Variants in PPP2R5A observed in about 807,000 individuals in gnomAD.
PPP2R5A encodes the protein protein phosphatase 2 regulatory subunit B'alpha.
In PPP2R5A, 25 loss-of-function variants were observed where a neutral mutation model predicts 64.2. The observed-to-expected ratio is 0.39, with a 90% CI of 0.28 to 0.54. The LOEUF (loss-of-function observed/expected upper bound fraction) is 0.54. Ranked by LOEUF, PPP2R5A falls within the 20% of genes least tolerant of loss-of-function variation. PPP2R5A has a pLI of 0.67. For missense variants in PPP2R5A, 425 were observed against 576.3 expected (o/e 0.74, Z 2.69); for synonymous variants, 198 against 201.2 (o/e 0.98, Z 0.13).
chr1:212,289,805 C>T (rs1293912437), intron 1 of PPP2R5A, among the ~76,000 whole-genome samples: 6 of 151,694 alleles, frequency 4.0e-5, no homozygotes, highest in Admixed American at 3.9e-4. Flanking sequence ...AAATGGTAAA[C>T]TTTCCTAGTG....
chr1:212,337,179 C>T (rs988160148), intron 3 of PPP2R5A, among the ~76,000 whole-genome samples: 2 of 152,036 alleles, frequency 1.3e-5, no homozygotes, highest in Non-Finnish European at 2.9e-5. Flanking sequence ...ACTTAATGTA[C>T]AACAGTTTTA....
At chr1:212,330,346 T>G (rs1477467848) in intron 2 of PPP2R5A, among the ~76,000 whole-genome samples, 2 of 151,860 alleles carry the variant, frequency 1.3e-5, no homozygotes, top group Non-Finnish European at 2.9e-5. Flanking sequence ...CTGGCCAGCA[T>G]AGCAAGGACC....
chr1:212,302,301 C>T (rs1341700950), intron 1 of PPP2R5A, among the ~76,000 whole-genome samples: 3 of 152,126 alleles, frequency 2.0e-5, no homozygotes, highest in Non-Finnish European at 4.4e-5. Flanking sequence ...TCTTAATAAG[C>T]TATTGTTACT....
intron 3 of PPP2R5A, among the ~76,000 whole-genome samples, chr1:212,341,512 A>G (rs1281734836): frequency 6.6e-6 from 1 of 152,184 alleles, no homozygotes; most frequent in Non-Finnish European, 1.5e-5. Context: ...AAATTGAGGT[A>G]GGTAGTAGTC....
intron 1 of PPP2R5A, chr1:212,302,073 G>GGAAGCC: frequency 6.5e-7 from 1 of 1,528,506 alleles, no homozygotes; most frequent in Non-Finnish European, 8.8e-7. Flanking sequence ...GGCAAGAAGA[G>GGAAGCC]GAAGGCTTTA....
At chr1:212,288,565 C>G (rs1177079059) in intron 1 of PPP2R5A, among the ~76,000 whole-genome samples, 3 of 151,990 alleles carry the variant, frequency 2.0e-5, no homozygotes, top group Non-Finnish European at 4.4e-5. Context: ...ACTTGGATTA[C>G]AAACTAATAG....
At chr1:212,312,504 A>G (rs1027933280) in intron 1 of PPP2R5A, among the ~76,000 whole-genome samples, 1 of 152,172 alleles carries the variant, frequency 6.6e-6, no homozygotes, top group Non-Finnish European at 1.5e-5. Flanking sequence ...GGCCTGTGGA[A>G]CTTCTCACCT....
intron 1 of PPP2R5A, among the ~76,000 whole-genome samples, chr1:212,325,937 C>A (rs1272420012): frequency 6.6e-6 from 1 of 152,062 alleles, no homozygotes; most frequent in Non-Finnish European, 1.5e-5. Context: ...TAGCAGACAT[C>A]ATTTATTAAT....
intron 8 of PPP2R5A, among the ~76,000 whole-genome samples, chr1:212,354,060 T>C (rs1659933991): frequency 6.6e-6 from 1 of 152,030 alleles, no homozygotes; most frequent in African/African-American, 2.4e-5. Flanking sequence ...GGCGGGCGCC[T>C]GTAGTCCCAG....
chr1:212,296,413 A>G lies in PPP2R5A; in HGVS notation c.181+10122A>G, dbSNP rs963841579. On this transcript the variant is annotated intron_variant, in intron 1 of 12. Coordinates refer to ENST00000261461, the MANE Select transcript of PPP2R5A (RefSeq NM_006243.4). ...CTAATGTCTTCTAAACATTAACTGT[A>G]TTCTTTACATTAACCTTTACTGGCC... Among the ~76,000 whole-genome samples, 5 of 152,222 alleles carry G rather than the reference A, an allele frequency of 3.3e-5. No homozygotes were observed. The South Asian group carries it at 1.0e-3, about 32-fold the overall frequency.
At chr1:212,331,191 T>G (rs111402422) in intron 2 of PPP2R5A, among the ~76,000 whole-genome samples, 13,850 of 139,844 alleles carry the variant, frequency 0.099, 2,124 homozygotes, top group African/African-American at 0.33. Context: ...AAAAAGAGAG[T>G]GTCTCTTTTC....
rs1658669308 is a variant in PPP2R5A at position 212,295,152 on chromosome 1, T to C, written c.181+8861T>C. 2.0e-5 allele frequency among the ~76,000 whole-genome samples: 3 copies of C among 152,158 alleles called. No homozygotes were observed. The East Asian group carries it at 5.8e-4, about 29-fold the overall frequency. On this transcript the variant is annotated intron_variant, in intron 1 of 12. Transcript: ENST00000261461. The stretch of plus-strand genomic sequence containing the variant: ...ATTGCATTCATACCTGCCAGTAACA[T>C]GAAGAACGTATTGGGAAATCAGAGT...
intron 1 of PPP2R5A, among the ~76,000 whole-genome samples, chr1:212,323,929 G>A (rs139998782): frequency 1.4e-3 from 212 of 152,060 alleles, no homozygotes; most frequent in African/African-American, 4.2e-3. Context: ...AAAATTAGCC[G>A]GGTGTGGTGG....
At position 212,352,506 on chromosome 1, in the gene PPP2R5A, G is replaced by GTA. The variant is rs1659905236; in HGVS notation, c.927+3265_927+3266dup. On this transcript the variant is annotated intron_variant, in intron 8 of 12. Transcript: ENST00000261461. ...ACCACATCACCCAGGATGGAGTGCA[G>GTA]TAGTACGATTGTGGCTGACGGCAGC... Among the ~76,000 whole-genome samples the GTA allele has an allele frequency of 2.0e-5, 3 of 151,738 alleles. No homozygotes were observed. The South Asian group carries it at 6.2e-4, about 31-fold the overall frequency.
chr1:212,290,083 T>G (rs1658573284), intron 1 of PPP2R5A, among the ~76,000 whole-genome samples: 1 of 152,198 alleles, frequency 6.6e-6, no homozygotes, highest in African/African-American at 2.4e-5. Context: ...TGAAGTCCCC[T>G]TCAGAAGAGG....
At chr1:212,297,096 C>CTTTTTTTTTTTTTTTT (rs869112186) in intron 1 of PPP2R5A, among the ~76,000 whole-genome samples, 2 of 82,668 alleles carry the variant, frequency 2.4e-5, no homozygotes, top group Admixed American at 1.6e-4. Context: ...TTTGCTTCTT[C>CTTTTTTTTTTTTTTTT]TTTTTTTTTT....
At chr1:212,302,661 C>T (rs984478701) in intron 1 of PPP2R5A, among the ~76,000 whole-genome samples, 7 of 152,192 alleles carry the variant, frequency 4.6e-5, no homozygotes, top group African/African-American at 1.7e-4. Context: ...TTAGTATATT[C>T]ACAGACATGT....
At chr1:212,337,722 G>A (rs1465759643) in intron 3 of PPP2R5A, among the ~76,000 whole-genome samples, 1 of 151,980 alleles carries the variant, frequency 6.6e-6, no homozygotes, top group African/African-American at 2.4e-5. Context: ...ATGGATAAAA[G>A]AGCAGAGGGA....
At chr1:212,291,529 G>A (rs1240027719) in intron 1 of PPP2R5A, among the ~76,000 whole-genome samples, 2 of 152,154 alleles carry the variant, frequency 1.3e-5, no homozygotes, top group Non-Finnish European at 2.9e-5. Flanking sequence ...CGCGCAGCCA[G>A]GATTGAGAAT....
Sources: allele counts gnomAD v4.1 joint callset (sites outside exome capture counted in the v4.1 genomes callset), GRCh38; gene constraint gnomAD v4.1.1; transcripts MANE v1.5; gene names NCBI Gene and HGNC (gene_info 2026-07-23, HGNC 2026-07-21).